The following PDE6C variants were observed in gnomAD, a reference collection of about 807,000 sequenced individuals.
PDE6C encodes the protein cone cGMP-specific 3',5'-cyclic phosphodiesterase subunit alpha'.
PDE6C carries 75 observed loss-of-function variants against 113.1 expected under a neutral mutation model. That is an observed-to-expected ratio of 0.66 (90% CI 0.55 to 0.80). PDE6C has a LOEUF of 0.80. Among genes scored for constraint, PDE6C ranks in the 30% least tolerant of loss-of-function variants. PDE6C has a pLI of 0.00. For synonymous variants in PDE6C, 375 were observed against 363.7 expected, an observed-to-expected ratio of 1.03 and a Z score of -0.35; for missense variants, 912 against 1,038.6, an observed-to-expected ratio of 0.88 and a Z score of 1.67.
Position 93,620,670 on chromosome 10 carries a change from G to A in PDE6C, c.519G>A (p.Gly173=), listed in dbSNP as rs1277999349. ...HFSDFMDKQT[G]YVTKNLLATP... ...CTGACTTCATGGACAAGCAAACTGG[G>A]TATGTCACTAAGAACCTGCTGGCAA... The change falls in exon 2 of 22, where the codon GGG becomes GGA. Residue 173 remains glycine, a synonymous_variant. Transcript: ENST00000371447. 3.1e-6 allele frequency: 5 copies of A among 1,614,012 alleles called. No homozygotes were observed. The highest frequency in any genetic ancestry group is 1.6e-4 in the Middle Eastern group (1 of 6,084).
intron 10 of PDE6C, among the ~76,000 whole-genome samples, 162 bp from the exon 11 acceptor site, chr10:93,636,833 T>C (rs1461326973): frequency 6.6e-6 from 1 of 152,166 alleles, no homozygotes; most frequent in Non-Finnish European, 1.5e-5. Flanking sequence ...AGTGGTGCCA[T>C]CATAGCTCAC....
chr10:93,662,532 G>A, intron 19 of PDE6C, 28 bp from the exon 20 acceptor site: 1 of 1,001,834 alleles, frequency 1.0e-6, no homozygotes, highest in Non-Finnish European at 1.6e-6. Context: ...TTAGAAACCT[G>A]TCTTAAAGGA....
Position 93,625,647 on chromosome 10 carries a change from A to C in PDE6C, c.937A>C (p.Arg313=). The C allele has an allele frequency of 6.2e-7, 1 of 1,608,242 alleles. No homozygotes were observed. Among genetic ancestry groups the C allele is most frequent in the Non-Finnish European group, 8.5e-7 (1 of 1,174,620 alleles). Residue 313 remains arginine (R), a splice_region_variant and synonymous_variant, in exon 5 of 22, where the codon AGG becomes CGG. Coordinates refer to ENST00000371447, the MANE Select transcript of PDE6C (RefSeq NM_006204.4). The stretch of plus-strand genomic sequence containing the variant: ...TAAAGGTCCAAAGACACCTGATGGC[A>C]GGGTACGTGCAAATGTCTTCCTTGA... The part of the protein sequence containing the change: ...PYKGPKTPDG[R]EVNFYKIIDY...
At chr10:93,653,673 A>AAAACAG (rs2058620079) in intron 15 of PDE6C, among the ~76,000 whole-genome samples, 1 of 151,976 alleles carries the variant, frequency 6.6e-6, no homozygotes, top group South Asian at 2.1e-4. Flanking sequence ...AACAAAAACA[A>AAAACAG]AAACAAAAAA....
chr10:93,637,797 C>T (rs187149885), intron 11 of PDE6C, among the ~76,000 whole-genome samples: 6 of 152,288 alleles, frequency 3.9e-5, no homozygotes, highest in Middle Eastern at 3.4e-3. Flanking sequence ...TCTGATTCTA[C>T]TGTTTATTTT....
intron 7 of PDE6C, 60 bp from the exon 8 acceptor site, chr10:93,629,198 T>C (rs1372297591): frequency 1.5e-6 from 2 of 1,320,802 alleles, no homozygotes; most frequent in Non-Finnish European, 2.2e-6. Context: ...TTCTGCTTTG[T>C]GGATCAAGAG....
At chr10:93,655,271 C>T (rs1371262563) in intron 15 of PDE6C, among the ~76,000 whole-genome samples, 1 of 152,128 alleles carries the variant, frequency 6.6e-6, no homozygotes, top group Admixed American at 6.6e-5. Flanking sequence ...TTTTTTCCTA[C>T]ATATACACGA....
intron 14 of PDE6C, 42 bp from the exon 15 acceptor site, chr10:93,645,918 T>G: frequency 8.2e-7 from 1 of 1,216,792 alleles, no homozygotes; most frequent in Non-Finnish European, 1.2e-6. Context: ...CTATGTGTAA[T>G]TTTTAAACAG....
In PDE6C at chr10:93,665,462, A is replaced by G. The variant is rs763110234; in HGVS notation, c.*44A>G. On this transcript the variant is annotated 3_prime_UTR_variant, in exon 22 of 22. Transcript: ENST00000371447. ...AACTTCAAATATCATTTTACCTTTGAAGAAAACCAGAAAACATTCAAAAGA... is the reference window on the plus strand; with the variant it reads ...AACTTCAAATATCATTTTACCTTTGGAGAAAACCAGAAAACATTCAAAAGA... 3.2e-6 allele frequency: 4 copies of G among 1,266,156 alleles called. No homozygotes were observed. The highest frequency in any genetic ancestry group is 3.5e-6 in the Non-Finnish European group (3 of 863,344). 78.4% of individuals were successfully genotyped at this position (1,266,156 alleles called of 1,614,324 possible).
At chr10:93,634,303 GT>G (rs2058517381) in intron 8 of PDE6C, among the ~76,000 whole-genome samples, 2 of 152,180 alleles carry the variant, frequency 1.3e-5, no homozygotes, top group Admixed American at 1.3e-4. Context: ...TCCAGCCACT[GT>G]GCCCAGCCTT....
At chr10:93,659,740 T>C (rs1011319147) in intron 18 of PDE6C, among the ~76,000 whole-genome samples, 1 of 152,222 alleles carries the variant, frequency 6.6e-6, no homozygotes, top group African/African-American at 2.4e-5. Flanking sequence ...GTCACTCCCA[T>C]GAATTGGGAA....
chr10:93,628,406 GA>G (rs1364754775), intron 7 of PDE6C, among the ~76,000 whole-genome samples: 1 of 152,104 alleles, frequency 6.6e-6, no homozygotes, highest in Non-Finnish European at 1.5e-5. Context: ...CCAACATGGT[GA>G]AACCTTGTCT....
intron 18 of PDE6C, among the ~76,000 whole-genome samples, chr10:93,659,612 G>A (rs2058656722): frequency 6.6e-6 from 1 of 152,204 alleles, no homozygotes; most frequent in South Asian, 2.1e-4. Context: ...GCAGGCAAGA[G>A]AGAGCGTGTG....
At chr10:93,640,403 C>G in intron 12 of PDE6C, 47 bp from the exon 13 acceptor site, 1 of 1,448,386 alleles carries the variant, frequency 6.9e-7, no homozygotes, top group Non-Finnish European at 9.7e-7. Flanking sequence ...GACCTTCTAA[C>G]CTTTAGAATT....
intron 7 of PDE6C, among the ~76,000 whole-genome samples, chr10:93,628,704 T>A (rs999468599): frequency 7.5e-6 from 1 of 133,402 alleles, no homozygotes; most frequent in African/African-American, 2.5e-5. Context: ...AAACTTAAAA[T>A]GACCCAAAGT....
In PDE6C at chr10:93,612,617, G is replaced by A. The variant is rs979429391; in HGVS notation, c.-109G>A. On this transcript the variant is annotated 5_prime_UTR_variant, in exon 1 of 22. Coordinates refer to ENST00000371447, the MANE Select transcript of PDE6C (RefSeq NM_006204.4). ...GGAAGTCCTATGAGGGACCATTTAC[G>A]GTTTCCTCAGTAATTTCCACCAGGA... 1.2e-5 allele frequency: 17 copies of A among 1,475,606 alleles called. No individual in the cohort carries two copies. Among genetic ancestry groups the A allele is most frequent in the Middle Eastern group, 2.4e-4 (1 of 4,196 alleles). 91.4% of individuals were successfully genotyped at this position (1,475,606 alleles called of 1,614,324 possible).
chr10:93,663,966 A>G (rs568577744), intron 21 of PDE6C, among the ~76,000 whole-genome samples: 2 of 152,314 alleles, frequency 1.3e-5, no homozygotes, highest in African/African-American at 2.4e-5. Flanking sequence ...TGTTCCTTTT[A>G]GGTGGCTCTA....
intron 8 of PDE6C, 110 bp downstream of exon 8, chr10:93,629,415 G>A (rs1252409461): frequency 1.2e-6 from 1 of 822,832 alleles, no homozygotes; most frequent in African/African-American, 1.7e-5. Context: ...TGTGGCCACA[G>A]GCACACACGG....
chr10:93,621,570 G>T (rs1305056433), intron 3 of PDE6C, among the ~76,000 whole-genome samples: 2 of 152,140 alleles, frequency 1.3e-5, no homozygotes. Context: ...GAGGTATGTG[G>T]CTCTCTCCAC....
Sources: gnomAD v4.1 joint callset for allele counts (sites outside exome capture counted in the v4.1 genomes callset) on GRCh38, gnomAD v4.1.1 for gene constraint, MANE v1.5 for transcripts, NCBI Gene and HGNC (gene_info 2026-07-23, HGNC 2026-07-21) for gene names.